Variants in IMPG1 observed in about 807,000 individuals in gnomAD.
The protein encoded by IMPG1 is interphotoreceptor matrix proteoglycan 1, also known as interphotoreceptor matrix proteoglycan of 150 kDa.
Under a neutral mutation model 92.0 loss-of-function variants are expected in IMPG1, and 85 were observed. That is an observed-to-expected ratio of 0.92 (90% confidence interval 0.78 to 1.11). The LOEUF is 1.11. Ranked by LOEUF, IMPG1 falls within the 50% of genes least tolerant of loss-of-function variation. IMPG1 has a pLI of 0.00. For missense variants in IMPG1, 1,022 were observed against 956.0 expected, an observed-to-expected ratio of 1.07 and a Z score of -0.91; for synonymous variants, 367 against 334.1, an observed-to-expected ratio of 1.10 and a Z score of -1.08.
In IMPG1 at chr6:75,982,524, T is replaced by A. The variant is rs577804934; in HGVS notation, c.1291+20394A>T. On this transcript the variant is annotated intron_variant, in intron 12 of 16. Transcript: ENST00000369950. ...CTGGGTGACAGAGCGAGACTCTATC[T>A]TAAAAAAAAAATGTGTATATCTATC... 1.5e-4 allele frequency among the ~76,000 whole-genome samples: 22 copies of A among 149,358 alleles called. No individual in the cohort carries two copies. The South Asian group carries it at 4.7e-3, about 32-fold the overall frequency.
chr6:75,945,816 T>C (rs1211468220), intron 14 of IMPG1, among the ~76,000 whole-genome samples: 1 of 152,162 alleles, frequency 6.6e-6, no homozygotes, highest in Non-Finnish European at 1.5e-5. Context: ...CTTCCCACCC[T>C]CTTTCTAAGA....
chr6:75,964,058 C>T (rs1782258102), intron 12 of IMPG1, among the ~76,000 whole-genome samples: 1 of 152,168 alleles, frequency 6.6e-6, no homozygotes, highest in Non-Finnish European at 1.5e-5. Context: ...GGAAAAAGCA[C>T]TTTCAAAAGC....
intron 1 of IMPG1, among the ~76,000 whole-genome samples, chr6:76,061,823 C>G (rs1280935964): frequency 6.6e-6 from 1 of 152,078 alleles, no homozygotes; most frequent in African/African-American, 2.4e-5. Context: ...ACTGGTATTT[C>G]CATTATGAAC....
chr6:75,923,530 T>TATC, intron 16 of IMPG1, 104 bp downstream of exon 16: 1 of 672,820 alleles, frequency 1.5e-6, no homozygotes, highest in Non-Finnish European at 2.6e-6. Flanking sequence ...AAATAAAAAG[T>TATC]ATCTTGCTTA....
chr6:76,066,697 T>C (rs1562390689), intron 1 of IMPG1, among the ~76,000 whole-genome samples: 1 of 152,110 alleles, frequency 6.6e-6, no homozygotes, highest in Non-Finnish European at 1.5e-5. Flanking sequence ...GTAGACCAAA[T>C]GGACCTAACA....
At chr6:76,011,742 CT>C (rs1414069682) in intron 7 of IMPG1, among the ~76,000 whole-genome samples, 2 of 121,388 alleles carry the variant, frequency 1.6e-5, no homozygotes, top group Non-Finnish European at 3.4e-5. Context: ...CCCCTCCCCC[CT>C]CCCCACCACA....
chr6:76,058,542 C>A (rs1933484), intron 1 of IMPG1, among the ~76,000 whole-genome samples: 136,626 of 152,176 alleles, frequency 0.9, 62,924 homozygotes, highest in Non-Finnish European at 1. Context: ...AACAATTTGC[C>A]AACGTAACAA....
rs1430004551 is a variant in IMPG1, at chr6:76,020,640, A to G, written c.666+1476T>C. The stretch of plus-strand genomic sequence containing the variant: ...CAGGTTCTAGTCTGCCACTCCTTAT[A>G]CTACTGCCTCCTTTGGGGCCTACTG... On this transcript the variant is annotated intron_variant, in intron 6 of 16. Transcript: ENST00000369950. Among the ~76,000 whole-genome samples, 3 of 152,108 alleles carry G rather than the reference A, an allele frequency of 2.0e-5. No individual in the cohort carries two copies. The East Asian group carries it at 5.8e-4, about 29-fold the overall frequency.
intron 12 of IMPG1, among the ~76,000 whole-genome samples, chr6:75,974,393 T>TCCTTCCTTCCTTGCTTCC: frequency 1.5e-5 from 1 of 65,032 alleles, no homozygotes; most frequent in African/African-American, 5.9e-5. Flanking sequence ...CTTTCTTTCT[T>TCCTTCCTTCCTTGCTTCC]TTCTTTCTTT....
intron 14 of IMPG1, among the ~76,000 whole-genome samples, chr6:75,931,994 C>G (rs1582049647): frequency 6.6e-6 from 1 of 152,236 alleles, no homozygotes; most frequent in African/African-American, 2.4e-5. Context: ...CAGAACAGGC[C>G]TCTTGTCATC....
chr6:75,924,774 A>G lies in IMPG1; in HGVS notation c.2244-1068T>C, dbSNP rs1394886733. ...AATATATCATATAATTATATATAAT[A>G]TATATAATAGAATACTATTAAGTCA... On this transcript the variant is annotated intron_variant, in intron 15 of 16. Transcript: ENST00000369950. 3.6e-5 allele frequency among the ~76,000 whole-genome samples: 4 copies of G among 111,418 alleles called. No individual in the cohort carries two copies. In the South Asian group the frequency reaches 9.4e-4, roughly 26 times the overall value. 73.1% of individuals were successfully genotyped at this position (111,418 alleles called of 152,430 possible).
intron 12 of IMPG1, among the ~76,000 whole-genome samples, chr6:75,986,491 C>T (rs1163146871): frequency 6.6e-6 from 1 of 152,086 alleles, no homozygotes; most frequent in African/African-American, 2.4e-5. Context: ...ACTGAAGGCT[C>T]AGATCTAGAA....
intron 15 of IMPG1, among the ~76,000 whole-genome samples, chr6:75,925,957 G>A (rs976016849): frequency 6.6e-6 from 1 of 152,150 alleles, no homozygotes; most frequent in African/African-American, 2.4e-5. Flanking sequence ...GAGCCACTGT[G>A]CCAGGCCTGT....
At chr6:75,957,453 CTGAATAGCCT>C (rs1782146580) in intron 12 of IMPG1, among the ~76,000 whole-genome samples, 1 of 152,112 alleles carries the variant, frequency 6.6e-6, no homozygotes, top group African/African-American at 2.4e-5. Flanking sequence ...AGTTCAAGTC[CTGAATAGCCT>C]TGTTAGTTTT....
chr6:75,993,593 T>G (rs560246421), intron 12 of IMPG1, among the ~76,000 whole-genome samples: 10 of 152,222 alleles, frequency 6.6e-5, no homozygotes, highest in Non-Finnish European at 1.5e-4. Context: ...CATGACCTAA[T>G]TACATCCCAA....
chr6:75,962,793 C>A (rs1393322226), intron 12 of IMPG1, among the ~76,000 whole-genome samples: 1 of 152,180 alleles, frequency 6.6e-6, no homozygotes, highest in Non-Finnish European at 1.5e-5. Flanking sequence ...GTAACCCCAG[C>A]ACTATGGGAG....
chr6:75,994,111 C>A (rs1162552932), intron 12 of IMPG1, among the ~76,000 whole-genome samples: 1 of 152,132 alleles, frequency 6.6e-6, no homozygotes, highest in Non-Finnish European at 1.5e-5. Flanking sequence ...CTTGAAGAAA[C>A]AAGAAGGGGT....
At chr6:76,070,040 G>A (rs1784379998) in intron 1 of IMPG1, among the ~76,000 whole-genome samples, 1 of 152,124 alleles carries the variant, frequency 6.6e-6, no homozygotes, top group Non-Finnish European at 1.5e-5. Context: ...ACTGTGCTAA[G>A]TACCTGCATG....
At chr6:76,008,594 C>A (rs1783133485) in intron 8 of IMPG1, among the ~76,000 whole-genome samples, 1 of 152,188 alleles carries the variant, frequency 6.6e-6, no homozygotes, top group Middle Eastern at 3.2e-3. Context: ...TCTCTACCAA[C>A]CAGACACTCA....
Sources: gnomAD v4.1 joint callset for allele counts (sites outside exome capture counted in the v4.1 genomes callset) on GRCh38, gnomAD v4.1.1 for gene constraint, MANE v1.5 for transcripts, NCBI Gene and HGNC (gene_info 2026-07-23, HGNC 2026-07-21) for gene names.